Variants in DMXL1 observed in about 807,000 individuals in gnomAD.
DMXL1 encodes the protein dmX-like protein 1.
Under a neutral mutation model 319.2 loss-of-function variants are expected in DMXL1, and 99 were observed. The ratio of observed to expected loss-of-function variants is 0.31; its 90% CI spans 0.26 to 0.37. The LOEUF (loss-of-function observed/expected upper bound fraction) is 0.37. Among genes scored for constraint, DMXL1 ranks in the 10% least tolerant of loss-of-function variants. The pLI is 1.00. For synonymous variants in DMXL1, 1,385 were observed against 1,235.2 expected (o/e 1.12, Z -2.54); for missense variants, 3,745 against 3,595.6 (o/e 1.04, Z -1.06).
At position 119,224,725 on chromosome 5, in the gene DMXL1, TTAA is replaced by T; in HGVS notation, c.8299_8301del (p.Asn2767del). 1.5e-6 allele frequency: 2 copies of T among 1,313,102 alleles called. No homozygotes were observed. Among genetic ancestry groups the T allele is most frequent in the Non-Finnish European group, 2.0e-6 (2 of 981,976 alleles). 81.3% of individuals were successfully genotyped at this position (1,313,102 alleles called of 1,614,324 possible). Reference sequence around the variant, plus strand: ...TTTTACCAGATGATTAAGAAAGCCATTAATAATGTTAGAAGAATGACTTCTCAT... The same window carrying T: ...TTTTACCAGATGATTAAGAAAGCCATTAATGTTAGAAGAATGACTTCTCAT... On this transcript the variant is annotated inframe_deletion, in exon 38 of 44. Coordinates refer to ENST00000539542, the MANE Select transcript of DMXL1 (RefSeq NM_001290321.3).
chr5:119,170,300 C>G lies in DMXL1; in HGVS notation c.5509C>G (p.His1837Asp). Residue 1837 changes from histidine to aspartate, a missense_variant, in exon 24 of 44, where the codon CAT (histidine) becomes GAT (aspartate). By Grantham distance (81) the His-to-Asp change is moderately conservative. Around this residue, in one of 4 missense-constraint regions of DMXL1, gnomAD observed 1,382 missense variants for 1,269.5 expected, o/e 1.09. Transcript: ENST00000539542. ...HFGSSDTFST[H>D]MSLTGKSGLA... ...TGGATCATCTGATACATTTTCCACACATATGAGCCTAACAGGAAAAAGTGG... is the reference window on the plus strand; with the variant it reads ...TGGATCATCTGATACATTTTCCACAGATATGAGCCTAACAGGAAAAAGTGG... 6.2e-7 allele frequency: 1 copy of G among 1,613,916 alleles called. No individual in the cohort carries two copies. Among genetic ancestry groups the G allele is most frequent in the Non-Finnish European group, 8.5e-7 (1 of 1,179,948 alleles).
chr5:119,242,607 A>C (rs1019427566), intron 42 of DMXL1, among the ~76,000 whole-genome samples: 2 of 152,188 alleles, frequency 1.3e-5, no homozygotes, highest in African/African-American at 4.8e-5. Context: ...ATATCAACAA[A>C]CTGATTCTGA....
chr5:119,213,504 A>G (rs1250608214), intron 34 of DMXL1, among the ~76,000 whole-genome samples: 2 of 152,244 alleles, frequency 1.3e-5, no homozygotes, highest in African/African-American at 2.4e-5. Context: ...ATGAGCAAAT[A>G]TATTTTAATG....
At chr5:119,073,094 C>A (rs1580519142) in intron 1 of DMXL1, among the ~76,000 whole-genome samples, 2 of 152,154 alleles carry the variant, frequency 1.3e-5, no homozygotes, top group Admixed American at 1.3e-4. Context: ...ATGAGGTCTC[C>A]CTCTGTCACC....
chr5:119,170,079 T>C (rs1774245276), intron 23 of DMXL1, 111 bp from the exon 24 acceptor site: 1 of 1,127,790 alleles, frequency 8.9e-7, no homozygotes, highest in African/African-American at 1.6e-5. Context: ...TAGTAAAATT[T>C]TGTCAAAAGA....
intron 38 of DMXL1, among the ~76,000 whole-genome samples, chr5:119,229,009 A>G (rs1224394288): frequency 5.9e-5 from 9 of 151,934 alleles, no homozygotes; most frequent in Non-Finnish European, 1.0e-4. Flanking sequence ...AGCACAGGAA[A>G]TTATCTTGAT....
chr5:119,230,059 A>G (rs972180060), intron 38 of DMXL1, among the ~76,000 whole-genome samples: 6 of 152,184 alleles, frequency 3.9e-5, no homozygotes, highest in African/African-American at 1.2e-4. Context: ...TACTAAGGGT[A>G]TAAGTTGTCA....
chr5:119,107,722 C>G (rs912399997), intron 4 of DMXL1, among the ~76,000 whole-genome samples: 1 of 152,116 alleles, frequency 6.6e-6, no homozygotes, highest in African/African-American at 2.4e-5. Flanking sequence ...AAAGTTGTAT[C>G]TGTTGGTAAG....
At chr5:119,243,913 T>C (rs976131226) in intron 42 of DMXL1, among the ~76,000 whole-genome samples, 2 of 152,266 alleles carry the variant, frequency 1.3e-5, no homozygotes, top group African/African-American at 4.8e-5. Context: ...ATTTTTGTAT[T>C]CTGTAAATGT....
intron 34 of DMXL1, among the ~76,000 whole-genome samples, 172 bp from the exon 35 acceptor site, chr5:119,216,729 C>A (rs1783767524): frequency 6.6e-6 from 1 of 151,634 alleles, no homozygotes; most frequent in Non-Finnish European, 1.5e-5. Flanking sequence ...ATTTAAATTT[C>A]CCATGTCAAA....
At position 119,153,077 on chromosome 5, in the gene DMXL1, A is replaced by G. The variant is rs371232001; in HGVS notation, c.4702+1041A>G. Among the ~76,000 whole-genome samples the G allele has an allele frequency of 4.0e-3, 612 of 152,160 alleles. 10 individuals are homozygous for G. Among genetic ancestry groups the G allele is most frequent in the South Asian group, 0.026 (126 of 4,826 alleles). On this transcript the variant is annotated intron_variant, in intron 19 of 43. Transcript: ENST00000539542. ...CTGCAACCTCCATTTCCTGGGTTCA[A>G]CTGATTCTCCTGCCTCAGCCTCTCG...
At chr5:119,146,290 A>G (rs1309119480) in intron 15 of DMXL1, among the ~76,000 whole-genome samples, 1 of 151,814 alleles carries the variant, frequency 6.6e-6, no homozygotes, top group African/African-American at 2.4e-5. Context: ...TCAGGCAATA[A>G]TAAATCATTG....
chr5:119,220,863 T>G, intron 36 of DMXL1, 77 bp from the exon 37 acceptor site: 2 of 1,520,652 alleles, frequency 1.3e-6, no homozygotes, highest in Non-Finnish European at 1.8e-6. Context: ...AACTATAAAT[T>G]CAAATTTTAG....
chr5:119,241,044 C>T (rs912191892), intron 42 of DMXL1, among the ~76,000 whole-genome samples: 6 of 151,996 alleles, frequency 3.9e-5, no homozygotes, highest in Admixed American at 3.9e-4. Context: ...TTTTATTCCC[C>T]CCAGAATTTA....
chr5:119,112,969 AAAAAAT>A (rs1335883636), intron 5 of DMXL1, among the ~76,000 whole-genome samples: 1 of 152,182 alleles, frequency 6.6e-6, no homozygotes, highest in Non-Finnish European at 1.5e-5. Context: ...AAAAAAAAGA[AAAAAAT>A]AATAATAGTA....
At chr5:119,196,499 G>T in intron 31 of DMXL1, 43 bp downstream of exon 31, 11 of 1,188,220 alleles carry the variant, frequency 9.3e-6, no homozygotes, top group Non-Finnish European at 1.4e-5. Context: ...CATTGCTTTT[G>T]ACTTACTACT....
chr5:119,147,153 CT>C, intron 16 of DMXL1, 95 bp from the exon 17 acceptor site: 2 of 1,190,478 alleles, frequency 1.7e-6, no homozygotes, highest in Non-Finnish European at 2.4e-6. Context: ...ACTATTTTAT[CT>C]TTTACAAGGC....
intron 36 of DMXL1, 65 bp from the exon 37 acceptor site, chr5:119,220,875 C>A: frequency 6.4e-7 from 1 of 1,558,758 alleles, no homozygotes; most frequent in South Asian, 1.2e-5. Flanking sequence ...AAATTTTAGA[C>A]CTTTCAAGTG....
At position 119,173,946 on chromosome 5, in the gene DMXL1, A is replaced by G. The variant is rs966201414; in HGVS notation, c.6682-1315A>G. On this transcript the variant is annotated intron_variant, in intron 25 of 43. Transcript: ENST00000539542. ...AGAAGGCCTGAGAACCAGGAGAGCTATAATTTAAGTTCAGGTCAGAAAGTC... is the reference window on the plus strand; with the variant it reads ...AGAAGGCCTGAGAACCAGGAGAGCTGTAATTTAAGTTCAGGTCAGAAAGTC... Among the ~76,000 whole-genome samples the G allele has an allele frequency of 2.0e-5, 3 of 151,126 alleles. No individual in the cohort carries two copies. The South Asian group carries it at 6.3e-4, about 32-fold the overall frequency.
Sources: gnomAD v4.1 joint callset for allele counts (sites outside exome capture counted in the v4.1 genomes callset) on GRCh38, gnomAD v4.1.1 for gene constraint, gnomAD v4.1.1 regional missense constraint, MANE v1.5 for transcripts, NCBI Gene and HGNC (gene_info 2026-07-23, HGNC 2026-07-21) for gene names.